The following CCSER1 variants were observed in gnomAD, a reference collection of about 807,000 sequenced individuals.
The protein encoded by CCSER1 is coiled-coil serine rich protein 1, also known as serine-rich coiled-coil domain-containing protein 1.
CCSER1 carries 41 observed loss-of-function variants against 82.0 expected under a neutral mutation model. The observed-to-expected ratio is 0.50, with a 90% CI of 0.39 to 0.65. CCSER1 has a LOEUF of 0.65. Among genes scored for constraint, CCSER1 ranks in the 30% least tolerant of loss-of-function variants. CCSER1 has a pLI of 0.00. For missense variants in CCSER1, 1,119 were observed against 1,064.2 expected, an observed-to-expected ratio of 1.05 and a Z score of -0.72; for synonymous variants, 414 against 383.9, an observed-to-expected ratio of 1.08 and a Z score of -0.92.
intron 10 of CCSER1, among the ~76,000 whole-genome samples, chr4:91,189,180 ACCATAG>A (rs1041307730): frequency 2.4e-4 from 37 of 152,244 alleles, no homozygotes; most frequent in African/African-American, 8.4e-4. Flanking sequence ...CCTAAAACTT[ACCATAG>A]CCTTAGCTCA....
intron 10 of CCSER1, among the ~76,000 whole-genome samples, chr4:91,430,445 T>G (rs1364478619): frequency 5.9e-5 from 9 of 152,236 alleles, no homozygotes; most frequent in Non-Finnish European, 1.5e-5. Flanking sequence ...AGTTAAACTA[T>G]TGATTATTTT....
In CCSER1 at chr4:90,756,968, T is replaced by G. The variant is rs562938671; in HGVS notation, c.2010+32977T>G. Among the ~76,000 whole-genome samples, 4 of 152,276 alleles carry G rather than the reference T, an allele frequency of 2.6e-5. No individual in the cohort carries two copies. The South Asian group carries it at 6.2e-4, about 24-fold the overall frequency. On this transcript the variant is annotated intron_variant, in intron 7 of 10. Coordinates refer to ENST00000509176, the MANE Select transcript of CCSER1 (RefSeq NM_001145065.2). ...TGAATATATTAAACTAAAAATAAAT[T>G]TATGAAAACTTAGATTTAACCTAGA...
intron 9 of CCSER1, among the ~76,000 whole-genome samples, chr4:90,992,153 C>T (rs1417035418): frequency 6.6e-6 from 1 of 152,050 alleles, no homozygotes; most frequent in African/African-American, 2.4e-5. Context: ...TTCTGCCAAA[C>T]TTGTAGATAA....
At chr4:90,661,981 A>C (rs954292172) in intron 6 of CCSER1, among the ~76,000 whole-genome samples, 3 of 146,642 alleles carry the variant, frequency 2.0e-5, no homozygotes, top group Admixed American at 6.8e-5. Context: ...GTCCTATACC[A>C]CTCTTTGTTT....
chr4:90,893,241 T>C (rs999387296), intron 8 of CCSER1, among the ~76,000 whole-genome samples: 1 of 151,448 alleles, frequency 6.6e-6, no homozygotes, highest in African/African-American at 2.4e-5. Context: ...GATTTTACAA[T>C]GACCAAGCAA....
intron 3 of CCSER1, among the ~76,000 whole-genome samples, chr4:90,329,278 A>T (rs1738841065): frequency 6.6e-6 from 1 of 152,160 alleles, no homozygotes; most frequent in East Asian, 1.9e-4. Flanking sequence ...TACCTGTTTC[A>T]GAAGATAATA....
intron 4 of CCSER1, among the ~76,000 whole-genome samples, chr4:90,445,340 A>C (rs1760501486): frequency 1.3e-5 from 2 of 152,128 alleles, no homozygotes; most frequent in Non-Finnish European, 2.9e-5. Context: ...TTCTCTGGGA[A>C]GAGATCAATA....
At chr4:90,725,984 T>A (rs1743571172) in intron 7 of CCSER1, among the ~76,000 whole-genome samples, 1 of 151,960 alleles carries the variant, frequency 6.6e-6, no homozygotes, top group African/African-American at 2.4e-5. Context: ...TCTTAACCTC[T>A]TAGCTTACTT....
At chr4:91,326,191 T>C (rs1382366288) in intron 10 of CCSER1, among the ~76,000 whole-genome samples, 1 of 152,168 alleles carries the variant, frequency 6.6e-6, no homozygotes, top group Admixed American at 6.6e-5. Context: ...CATTATTCTG[T>C]TCTCACATTG....
chr4:90,588,519 A>G (rs1195850074), intron 5 of CCSER1, among the ~76,000 whole-genome samples: 1 of 152,106 alleles, frequency 6.6e-6, no homozygotes, highest in Non-Finnish European at 1.5e-5. Context: ...TAGCCCTCTT[A>G]ATATTTCTAC....
At chr4:91,194,518 G>A (rs957791060) in intron 10 of CCSER1, among the ~76,000 whole-genome samples, 20 of 152,116 alleles carry the variant, frequency 1.3e-4, no homozygotes, top group Non-Finnish European at 1.6e-4. Flanking sequence ...ATATGAAAGA[G>A]GTGGCATTTG....
chr4:90,181,040 C>T (rs1263284261), intron 1 of CCSER1, among the ~76,000 whole-genome samples: 3 of 151,984 alleles, frequency 2.0e-5, no homozygotes, highest in African/African-American at 7.2e-5. Flanking sequence ...TTGTGAAGGT[C>T]AAATGAGCTG....
intron 10 of CCSER1, among the ~76,000 whole-genome samples, chr4:91,195,646 A>G (rs926626697): frequency 6.6e-6 from 1 of 152,218 alleles, no homozygotes; most frequent in South Asian, 2.1e-4. Context: ...CAAGATTTTC[A>G]TAATGCTTCA....
chr4:91,206,721 T>C (rs1736379187), intron 10 of CCSER1, among the ~76,000 whole-genome samples: 1 of 151,802 alleles, frequency 6.6e-6, no homozygotes, highest in Admixed American at 6.6e-5. Context: ...TGATACCCCA[T>C]GAGGCAAGAA....
At chr4:90,780,910 C>A (rs986385634) in intron 7 of CCSER1, 9 of 554,526 alleles carry the variant, frequency 1.6e-5, no homozygotes, top group African/African-American at 1.2e-4. Flanking sequence ...TATAATTGGC[C>A]CACAGTTCTG....
At chr4:91,461,210 T>A (rs1167804806) in intron 10 of CCSER1, among the ~76,000 whole-genome samples, 1 of 152,190 alleles carries the variant, frequency 6.6e-6, no homozygotes, top group East Asian at 1.9e-4. Context: ...CACTCCACAA[T>A]GACAATGATG....
chr4:90,916,575 A>G (rs1219662091), intron 8 of CCSER1, among the ~76,000 whole-genome samples: 1 of 152,212 alleles, frequency 6.6e-6, no homozygotes, highest in Non-Finnish European at 1.5e-5. Context: ...AAGAAAACCT[A>G]GGCAATACCA....
chr4:91,390,265 T>G (rs1410971496), intron 10 of CCSER1, among the ~76,000 whole-genome samples: 1 of 151,990 alleles, frequency 6.6e-6, no homozygotes, highest in Non-Finnish European at 1.5e-5. Flanking sequence ...CCATTGGATA[T>G]TGTCAAATGC....
chr4:91,028,959 T>C (rs1740732118), intron 9 of CCSER1, among the ~76,000 whole-genome samples: 1 of 152,052 alleles, frequency 6.6e-6, no homozygotes, highest in African/African-American at 2.4e-5. Flanking sequence ...AGAATGAAGT[T>C]ACTTTGAACT....
Sources: gnomAD v4.1 joint callset for allele counts (sites outside exome capture counted in the v4.1 genomes callset) on GRCh38, gnomAD v4.1.1 for gene constraint, MANE v1.5 for transcripts, NCBI Gene and HGNC (gene_info 2026-07-23, HGNC 2026-07-21) for gene names.